The following BCAN variants were observed in gnomAD, a reference collection of about 807,000 sequenced individuals.
The protein encoded by BCAN is brevican.
BCAN carries 51 observed loss-of-function variants against 92.4 expected under a neutral mutation model. The ratio of observed to expected loss-of-function variants is 0.55; its 90% CI spans 0.44 to 0.70. The LOEUF (loss-of-function observed/expected upper bound fraction) is 0.70, where lower values mean the gene tolerates loss of function less well. Among genes scored for constraint, BCAN ranks in the 30% least tolerant of loss-of-function variants. The probability of loss-of-function intolerance (pLI) is 0.00; values close to 1 mark genes in which losing one functional copy is unlikely to be tolerated. For missense variants in BCAN, 1,140 were observed against 1,212.1 expected (o/e 0.94, Z 0.88); for synonymous variants, 501 against 505.2 (o/e 0.99, Z 0.11).
At chr1:156,643,784 A>G (rs1401642940) in intron 1 of BCAN, 1 of 152,258 alleles carries the variant, frequency 6.6e-6, no homozygotes, top group Non-Finnish European at 1.5e-5. Flanking sequence ...AAGAAATTCA[A>G]AACAAGGGCA....
Position 156,652,248 on chromosome 1 carries a change from A to G in BCAN, c.1298A>G (p.Glu433Gly). 6.3e-7 allele frequency: 1 copy of G among 1,582,368 alleles called. No homozygotes were observed. Among genetic ancestry groups the G allele is most frequent in the South Asian group, 1.2e-5 (1 of 84,204 alleles). ...GCTGAACCGTTTGTGCTTTGCCTAGAATTTGAAACACAATCCATGGTACCG... is the reference window on the plus strand; with the variant it reads ...GCTGAACCGTTTGTGCTTTGCCTAGGATTTGAAACACAATCCATGGTACCG... Reference protein sequence around the residue: ...DPAEAPRTLLEFETQSMVPPT... With the variant: ...DPAEAPRTLLGFETQSMVPPT... Residue 433 changes from glutamate (E) to glycine (G), a missense_variant and splice_region_variant, in exon 8 of 14, where the codon GAA (glutamate) becomes GGA (glycine). By Grantham distance (98) the Glu-to-Gly change is moderately conservative. Coordinates refer to ENST00000329117, the MANE Select transcript of BCAN (RefSeq NM_021948.5).
rs1027286266 is a variant in BCAN at position 156,646,630 on chromosome 1, C to CT, written c.92-171_92-170insT. Reference sequence around the variant, plus strand: ...AGACCGTCGGGGTGGTCCTGGAGGACCTAGAGGTAGGGCTGCAGGACCCTG... The same window carrying CT: ...AGACCGTCGGGGTGGTCCTGGAGGACTCTAGAGGTAGGGCTGCAGGACCCTG... On this transcript the variant is annotated intron_variant, in intron 2 of 13. Coordinates refer to ENST00000329117, the MANE Select transcript of BCAN (RefSeq NM_021948.5). 14 of 1,165,556 alleles carry CT rather than the reference C, an allele frequency of 1.2e-5. No individual in the cohort carries two copies. In the African/African-American group the frequency reaches 1.3e-4, roughly 11 times the overall value. The allele number at this position is 1,165,556 out of a possible 1,614,324, so 72.2% of individuals were successfully genotyped here.
intron 9 of BCAN, 43 bp from the exon 10 acceptor site, chr1:156,656,895 C>T: frequency 6.3e-7 from 1 of 1,599,318 alleles, no homozygotes; most frequent in Non-Finnish European, 8.5e-7. Context: ...ACCTGGCCCT[C>T]TGGGTTTTGG....
chr1:156,656,318 C>A lies in BCAN; in HGVS notation c.1979C>A (p.Thr660Lys). ...CVPSPCHNGG[T>K]CLEEEEGVRC... ...CCCAGCCCCTGCCACAATGGTGGGA[C>A]ATGCTTGGAGGAGGAGGAAGGGGTC... The change falls in exon 9 of 14, where the codon ACA becomes AAA. Residue 660 changes from threonine to lysine, a missense_variant. Transcript: ENST00000329117. The A allele has an allele frequency of 6.9e-7, 1 of 1,447,570 alleles. No homozygotes were observed. The highest frequency in any genetic ancestry group is 1.7e-5 in the South Asian group (1 of 57,830). 89.7% of individuals were successfully genotyped at this position (1,447,570 alleles called of 1,614,324 possible). A position where few individuals can be genotyped will look rare whatever the true frequency, so the allele number is the denominator to read the frequency against.
At chr1:156,651,879 A>G (rs2102564687) in intron 7 of BCAN, among the ~76,000 whole-genome samples, 190 bp downstream of exon 7, 1 of 150,618 alleles carries the variant, frequency 6.6e-6, no homozygotes, top group African/African-American at 2.5e-5. Context: ...TCCACCCCCA[A>G]CTCTATGGAG....
At position 156,658,666 on chromosome 1, in the gene BCAN, C is replaced by T. The variant is rs1310570791; in HGVS notation, c.2561C>T (p.Pro854Leu). The T allele has an allele frequency of 9.3e-6, 15 of 1,614,038 alleles. No individual in the cohort carries two copies. The highest frequency in any genetic ancestry group is 8.0e-5 in the African/African-American group (6 of 74,932). The change falls in exon 13 of 14, where the codon CCG becomes CTG. Residue 854 changes from proline (P) to leucine (L), a missense_variant. Pro to Leu is a moderately conservative substitution (Grantham distance 98). This residue lies in a region of BCAN where 825 missense variants were observed against 871.8 expected (regional missense o/e 0.95). Transcript: ENST00000329117. This position sits in a 1 kb window ranked among gnomAD's most constrained non-coding sequence, Gnocchi z 4.4. ...GAAGGACTGGCCCAGCGCAATCTGCCGCTGATCCGATGCCAAGAGAACGGT... is the reference window on the plus strand; with the variant it reads ...GAAGGACTGGCCCAGCGCAATCTGCTGCTGATCCGATGCCAAGAGAACGGT... Reference protein sequence around the residue: ...CREGLAQRNLPLIRCQENGRW... With the variant: ...CREGLAQRNLLLIRCQENGRW...
rs559765729 is a variant in BCAN at position 156,646,305 on chromosome 1, G to C, written c.91+160G>C. Among the ~76,000 whole-genome samples the C allele has an allele frequency of 1.3e-4, 20 of 152,328 alleles. No individual in the cohort carries two copies. In the East Asian group the frequency reaches 3.9e-3, roughly 29 times the overall value. On this transcript the variant is annotated intron_variant, in intron 2 of 13. Transcript: ENST00000329117. ...AGGGCTGAGCTGTGAGCATCTGGTGGGTTGGAGAAATCATGGGGCAGGACT... is the reference window on the plus strand; with the variant it reads ...AGGGCTGAGCTGTGAGCATCTGGTGCGTTGGAGAAATCATGGGGCAGGACT...
chr1:156,659,051 G>T lies in BCAN; in HGVS notation c.2653G>T (p.Asp885Tyr). ...RPARALHPEEDPEGRQGRLLG... is the reference protein window; with the variant it reads ...RPARALHPEEYPEGRQGRLLG... Reference sequence around the variant, plus strand: ...GGCCCGAGCTCTGCACCCAGAGGAGGACCCAGAAGGACGTCAGGGGAGGCT... The same window carrying T: ...GGCCCGAGCTCTGCACCCAGAGGAGTACCCAGAAGGACGTCAGGGGAGGCT... Residue 885 changes from aspartate (D) to tyrosine (Y), a missense_variant, in exon 14 of 14, where the codon GAC (aspartate) becomes TAC (tyrosine). Asp to Tyr is a radical substitution (Grantham distance 160). Coordinates refer to ENST00000329117, the MANE Select transcript of BCAN (RefSeq NM_021948.5). 1 of 1,601,712 alleles carries T rather than the reference G, an allele frequency of 6.2e-7. No individual in the cohort carries two copies.
At chr1:156,646,259 A>G (rs1230076827) in intron 2 of BCAN, 114 bp downstream of exon 2, 2 of 962,296 alleles carry the variant, frequency 2.1e-6, no homozygotes, top group African/African-American at 3.3e-5. Flanking sequence ...GGAAGCGTCC[A>G]GGCTGGAACA....
chr1:156,651,682 G>T lies in BCAN; in HGVS notation c.1290G>T (p.Thr430=). 1.2e-6 allele frequency: 2 copies of T among 1,606,414 alleles called. No homozygotes were observed. The highest frequency in any genetic ancestry group is 8.5e-7 in the Non-Finnish European group (1 of 1,176,782). Residue 430 remains threonine (T), a synonymous_variant, in exon 7 of 14, where the codon ACG becomes ACT. Coordinates refer to ENST00000329117, the MANE Select transcript of BCAN (RefSeq NM_021948.5). The part of the protein sequence containing the change: ...TPEDPAEAPR[T]LLEFETQSMV... ...AAGACCCAGCAGAGGCCCCTAGGAC[G>T]CTCCTAGGTAAGTCGGATCCCTTAT...
chr1:156,656,532 T>C, intron 9 of BCAN, 143 bp downstream of exon 9: 1 of 612,502 alleles, frequency 1.6e-6, no homozygotes, highest in South Asian at 4.5e-5. Context: ...CTTCTTTGAG[T>C]CCTACCCTCA....
Position 156,652,648 on chromosome 1 carries a change from G to A in BCAN, c.1698G>A (p.Gly566=), listed in dbSNP as rs1557990292. ...PSTLVEAREV[G]EATGGPELSG... ...CTCTGGTTGAGGCAAGAGAGGTGGG[G>A]GAGGCAACTGGTGGTCCTGAGCTAT... is the stretch of plus-strand genomic sequence containing the variant. Residue 566 remains glycine (G), a synonymous_variant, in exon 8 of 14, where the codon GGG becomes GGA. Coordinates refer to ENST00000329117, the MANE Select transcript of BCAN (RefSeq NM_021948.5). The A allele has an allele frequency of 6.2e-7, 1 of 1,613,802 alleles. No individual in the cohort carries two copies. Among genetic ancestry groups the A allele is most frequent in the Non-Finnish European group, 8.5e-7 (1 of 1,179,774 alleles).
intron 5 of BCAN, 132 bp downstream of exon 5, chr1:156,648,242 T>C: frequency 7.8e-7 from 1 of 1,281,796 alleles, no homozygotes; most frequent in Non-Finnish European, 1.1e-6. Flanking sequence ...AGGAGACAAT[T>C]GGTGTCCCTC....
intron 6 of BCAN, among the ~76,000 whole-genome samples, chr1:156,650,182 T>G (rs1388729436): frequency 1.3e-5 from 2 of 152,114 alleles, no homozygotes; most frequent in Non-Finnish European, 2.9e-5. Flanking sequence ...CTAAAACTTC[T>G]GTGTGCTGGC....
At chr1:156,654,748 G>GGGGA (rs1353458051) in intron 8 of BCAN, among the ~76,000 whole-genome samples, 3 of 152,264 alleles carry the variant, frequency 2.0e-5, no homozygotes, top group Non-Finnish European at 4.4e-5. Context: ...AGGAGTGGGA[G>GGGGA]GGGAGTTCAG....
At position 156,652,403 on chromosome 1, in the gene BCAN, G is replaced by A. The variant is rs754820500; in HGVS notation, c.1453G>A (p.Glu485Lys). The A allele has an allele frequency of 1.6e-5, 25 of 1,607,926 alleles. No homozygotes were observed. The highest frequency in any genetic ancestry group is 2.2e-5 in the South Asian group (2 of 90,430). Residue 485 changes from glutamate (E) to lysine (K), a missense_variant, in exon 8 of 14, where the codon GAG becomes AAG. By Grantham distance (56) the Glu-to-Lys change is moderately conservative. Transcript: ENST00000329117. ...TGAGGCTCTGTGGGCATGGCCCAGC[G>A]AGCTCAGCAGCCCGGGCCCTGAGGC... Reference protein sequence around the residue: ...EDEALWAWPSELSSPGPEASL... With the variant: ...EDEALWAWPSKLSSPGPEASL...
At chr1:156,648,200 C>G (rs955830504) in intron 5 of BCAN, 90 bp downstream of exon 5, 11 of 1,522,494 alleles carry the variant, frequency 7.2e-6, no homozygotes, top group Non-Finnish European at 9.9e-6. Context: ...ACCTTACTAT[C>G]CCTCCTGAGT....
chr1:156,658,412 G>A lies in BCAN; in HGVS notation c.2438-131G>A. On this transcript the variant is annotated intron_variant, in intron 12 of 13. Transcript: ENST00000329117. This position sits in a 1 kb window ranked among gnomAD's most constrained non-coding sequence, Gnocchi z 4.4. ...TTCCAGACCATGGGAGAGCTAACAA[G>A]TTACGTGGGTCCACTCGGAATCCCT... The A allele has an allele frequency of 6.8e-7, 1 of 1,460,056 alleles. No homozygotes were observed. Among genetic ancestry groups the A allele is most frequent in the Non-Finnish European group, 9.2e-7 (1 of 1,084,174 alleles). The allele number at this position is 1,460,056 out of a possible 1,614,324, so 90.4% of individuals were successfully genotyped here.
chr1:156,658,154 C>A lies in BCAN; in HGVS notation c.2320C>A (p.Pro774Thr), dbSNP rs1337230129. The change falls in exon 12 of 14, where the codon CCT becomes ACT. Residue 774 changes from proline (P) to threonine (T), a missense_variant. This residue lies in a region of BCAN where 825 missense variants were observed against 871.8 expected (regional missense o/e 0.95). Transcript: ENST00000329117. This position sits in a 1 kb window ranked among gnomAD's most constrained non-coding sequence, Gnocchi z 4.4. ...CTATGAGAACTGGAACCCTGGGCAG[C>A]CTGACAGCTACTTCCTGTCTGGAGA... The part of the protein sequence containing the change: ...LLYENWNPGQ[P>T]DSYFLSGENC... 6.2e-7 allele frequency: 1 copy of A among 1,614,084 alleles called. No individual in the cohort carries two copies. Among genetic ancestry groups the A allele is most frequent in the South Asian group, 1.1e-5 (1 of 91,076 alleles).
Sources: allele counts gnomAD v4.1 joint callset (sites outside exome capture counted in the v4.1 genomes callset), GRCh38; gene constraint gnomAD v4.1.1; regional missense constraint gnomAD v4.1.1; non-coding constraint Gnocchi (gnomAD v3.1); transcripts MANE v1.5; gene names NCBI Gene and HGNC (gene_info 2026-07-23, HGNC 2026-07-21).